Variants in CRB1 observed in about 807,000 individuals in gnomAD.
The protein encoded by CRB1 is crumbs cell polarity complex component 1, also known as protein crumbs homolog 1.
CRB1 carries 83 observed loss-of-function variants against 120.0 expected under a neutral mutation model. The observed-to-expected ratio is 0.69, with a 90% confidence interval of 0.58 to 0.83. The LOEUF (loss-of-function observed/expected upper bound fraction) is 0.83, where lower values mean the gene tolerates loss of function less well. CRB1 is among the 40% of genes least tolerant of loss of function. The pLI is 0.00. For missense variants in CRB1, 1,699 were observed against 1,687.6 expected (o/e 1.01, Z -0.12); for synonymous variants, 625 against 612.5 (o/e 1.02, Z -0.30).
intron 5 of CRB1, chr1:197,357,930 A>T (rs1291938356): frequency 6.6e-6 from 1 of 152,204 alleles, no homozygotes; most frequent in Non-Finnish European, 1.5e-5. Context: ...CAGTAAAAAA[A>T]TTCCCCAGGT....
chr1:197,361,716 C>T (rs547948098), intron 5 of CRB1, among the ~76,000 whole-genome samples: 1 of 151,652 alleles, frequency 6.6e-6, no homozygotes, highest in Non-Finnish European at 1.5e-5. Context: ...TATATCTTTT[C>T]TCCCCTTTTA....
chr1:197,451,003 G>A (rs1003303097), intron 11 of CRB1, among the ~76,000 whole-genome samples: 2 of 150,508 alleles, frequency 1.3e-5, no homozygotes, highest in African/African-American at 2.4e-5. Flanking sequence ...TAAGACAAAG[G>A]GATAGAATTT....
intron 5 of CRB1, among the ~76,000 whole-genome samples, chr1:197,360,840 G>A (rs1660732308): frequency 1.3e-5 from 2 of 152,188 alleles, no homozygotes; most frequent in South Asian, 4.1e-4. Flanking sequence ...CAGACGTCTT[G>A]CTTCATTCAC....
intron 5 of CRB1, among the ~76,000 whole-genome samples, chr1:197,367,877 A>G (rs947958781): frequency 6.6e-6 from 1 of 152,188 alleles, no homozygotes; most frequent in African/African-American, 2.4e-5. Flanking sequence ...CTCGGGCAAA[A>G]ATATCGGGTT....
chr1:197,246,666 A>G, the CRB1 span, among the ~76,000 whole-genome samples: 38 of 152,112 alleles, frequency 2.5e-4, no homozygotes, highest in African/African-American at 8.7e-4. Context: ...AGTGATTGAA[A>G]AAAAGATCAA....
At chr1:197,245,218 C>T in the CRB1 span, among the ~76,000 whole-genome samples, 3 of 152,068 alleles carry the variant, frequency 2.0e-5, no homozygotes, top group East Asian at 1.9e-4. Context: ...CCACTTCCCT[C>T]ACCCCACAAC....
the CRB1 span, among the ~76,000 whole-genome samples, chr1:197,230,935 A>G: frequency 6.6e-6 from 1 of 152,216 alleles, no homozygotes; most frequent in Non-Finnish European, 1.5e-5. Context: ...GATATTAAAG[A>G]TGATAGTATC....
intron 1 of CRB1, among the ~76,000 whole-genome samples, chr1:197,293,604 A>T (rs1188523980): frequency 1.3e-5 from 2 of 152,160 alleles, no homozygotes; most frequent in Non-Finnish European, 2.9e-5. Flanking sequence ...CGCGTCGCCA[A>T]GTCAATCCTA....
Position 197,356,938 on chromosome 1 carries a change from A to C in CRB1, c.1096A>C (p.Ile366Leu), listed in dbSNP as rs763122264. The change falls in exon 5 of 12, where the codon ATC (isoleucine) becomes CTC (leucine). Residue 366 changes from isoleucine (I) to leucine (L), a missense_variant. Transcript: ENST00000367400. ...ELSSEKQYGR[I>L]TGLPSSFSYH... Reference sequence around the variant, plus strand: ...GTCCTCAGAGAAACAATATGGACGCATCACTGGACTGCCTTCTTCTTTCAG... The same window carrying C: ...GTCCTCAGAGAAACAATATGGACGCCTCACTGGACTGCCTTCTTCTTTCAG... 11 of 1,614,118 alleles carry C rather than the reference A, an allele frequency of 6.8e-6. No homozygotes were observed. The highest frequency in any genetic ancestry group is 3.3e-5 in the Admixed American group (2 of 60,008).
In CRB1 at chr1:197,394,763, C is replaced by T. The variant is rs1662688684; in HGVS notation, c.1172-26237C>T. Reference sequence around the variant, plus strand: ...CAGGGACACTATTTCTGTTTAATGACAGGATTAGCTGCCAGTCCCTATTTC... The same window carrying T: ...CAGGGACACTATTTCTGTTTAATGATAGGATTAGCTGCCAGTCCCTATTTC... On this transcript the variant is annotated intron_variant, in intron 5 of 11. Transcript: ENST00000367400. 5.3e-5 allele frequency among the ~76,000 whole-genome samples: 8 copies of T among 151,900 alleles called. No homozygotes were observed. The South Asian group carries it at 1.7e-3, about 31-fold the overall frequency.
chr1:197,261,056 T>C, the CRB1 span, among the ~76,000 whole-genome samples: 1 of 152,166 alleles, frequency 6.6e-6, no homozygotes, highest in Non-Finnish European at 1.5e-5. Context: ...TGGCAAATCA[T>C]TGAGGAGTAA....
chr1:197,391,803 G>GA (rs1219937320), intron 5 of CRB1, among the ~76,000 whole-genome samples: 1 of 151,864 alleles, frequency 6.6e-6, no homozygotes, highest in Non-Finnish European at 1.5e-5. Context: ...TAAGAATTCA[G>GA]AAAAAAATAT....
the CRB1 span, among the ~76,000 whole-genome samples, chr1:197,237,576 T>C: frequency 6.6e-6 from 1 of 152,228 alleles, no homozygotes; most frequent in East Asian, 1.9e-4. Flanking sequence ...AATTATTTAT[T>C]ATTTCTTTTA....
At chr1:197,281,973 T>A (rs961090448) in intron 1 of CRB1, among the ~76,000 whole-genome samples, 2 of 151,642 alleles carry the variant, frequency 1.3e-5, no homozygotes, top group East Asian at 3.9e-4. Flanking sequence ...ATAAAAAAAA[T>A]TATAGACTAT....
chr1:197,349,170 A>G (rs1571881161), intron 4 of CRB1, among the ~76,000 whole-genome samples: 1 of 152,212 alleles, frequency 6.6e-6, no homozygotes, highest in Non-Finnish European at 1.5e-5. Flanking sequence ...TTGTGTTTCA[A>G]TTGCCTACAG....
At chr1:197,475,060 A>G (rs1328067787) in intron 11 of CRB1, among the ~76,000 whole-genome samples, 1 of 152,098 alleles carries the variant, frequency 6.6e-6, no homozygotes, top group African/African-American at 2.4e-5. Context: ...GACATAAACT[A>G]TTTTTTCTAA....
At chr1:197,431,540 T>G (rs1664870845) in intron 8 of CRB1, among the ~76,000 whole-genome samples, 2 of 152,220 alleles carry the variant, frequency 1.3e-5, no homozygotes, top group South Asian at 4.1e-4. Context: ...ATGTTCTACC[T>G]GGTGTCCGAA....
At chr1:197,474,430 T>C (rs956841352) in intron 11 of CRB1, among the ~76,000 whole-genome samples, 2 of 152,180 alleles carry the variant, frequency 1.3e-5, no homozygotes, top group South Asian at 4.1e-4. Flanking sequence ...TTTGCTCTTT[T>C]ATTTTTATCA....
chr1:197,435,813 T>G (rs1665133507), intron 9 of CRB1, among the ~76,000 whole-genome samples: 1 of 152,106 alleles, frequency 6.6e-6, no homozygotes, highest in Non-Finnish European at 1.5e-5. Context: ...AAAGGTAGTG[T>G]TTAAATCAGA....
Sources: gnomAD v4.1 joint callset for allele counts (sites outside exome capture counted in the v4.1 genomes callset) on GRCh38, gnomAD v4.1.1 for gene constraint, MANE v1.5 for transcripts, NCBI Gene and HGNC (gene_info 2026-07-23, HGNC 2026-07-21) for gene names.